TSNARE1: variants seen among roughly 807,000 people sequenced by gnomAD.
TSNARE1 encodes t-SNARE domain containing 1, also known as t-SNARE domain-containing protein 1.
Under a neutral mutation model 62.0 loss-of-function variants are expected in TSNARE1, and 49 were observed. That is an observed-to-expected ratio of 0.79 (90% CI 0.63 to 1.00). TSNARE1 has a LOEUF of 1.00. Ranked by LOEUF, TSNARE1 falls within the 50% of genes least tolerant of loss-of-function variation. The pLI is 0.00. For synonymous variants in TSNARE1, 328 were observed against 294.4 expected, an observed-to-expected ratio of 1.11 and a Z score of -1.17; for missense variants, 755 against 700.1, an observed-to-expected ratio of 1.08 and a Z score of -0.88.
rs929168209 is a variant in TSNARE1 at position 142,336,000 on chromosome 8, C to T, written c.746-4169G>A. ...TCCGATGAGAGTAAAAGCAAGATTC[C>T]GGCCAGGCGTGGCGGCTCATGCCTG... On this transcript the variant is annotated intron_variant, in intron 4 of 13. Transcript: ENST00000524325. Among the ~76,000 whole-genome samples the T allele has an allele frequency of 1.2e-4, 19 of 152,138 alleles. 1 individual carries two copies. The highest frequency in any genetic ancestry group is 6.5e-5 in the Admixed American group (1 of 15,272).
At chr8:142,375,210 G>A (rs1052507741) in intron 1 of TSNARE1, among the ~76,000 whole-genome samples, 1 of 152,270 alleles carries the variant, frequency 6.6e-6, no homozygotes, top group Non-Finnish European at 1.5e-5. Flanking sequence ...CTGGGTGCCC[G>A]TGAGAATGGG....
intron 6 of TSNARE1, among the ~76,000 whole-genome samples, chr8:142,328,613 C>T (rs72687387): frequency 0.014 from 2,163 of 152,308 alleles, 26 homozygotes; most frequent in Admixed American, 0.021. Context: ...TTCTTCTTTT[C>T]GGCATCAAGG....
At chr8:142,214,238 A>AG (rs1355709741) in intron 13 of TSNARE1, among the ~76,000 whole-genome samples, 2 of 152,180 alleles carry the variant, frequency 1.3e-5, no homozygotes, top group Non-Finnish European at 2.9e-5. Flanking sequence ...AGCTGGAGTC[A>AG]GGGCAGACCC....
intron 13 of TSNARE1, among the ~76,000 whole-genome samples, chr8:142,223,064 T>TCG (rs1816513616): frequency 6.7e-6 from 1 of 148,814 alleles, no homozygotes; most frequent in Admixed American, 6.7e-5. Flanking sequence ...ACTCATTCAC[T>TCG]TACTCGCTCA....
intron 1 of TSNARE1, among the ~76,000 whole-genome samples, chr8:142,360,458 G>A (rs1389228501): frequency 3.3e-5 from 5 of 152,182 alleles, no homozygotes; most frequent in Non-Finnish European, 7.4e-5. Context: ...CTGCCAGGCT[G>A]TTTTGCCCAA....
At chr8:142,306,122 A>T (rs1328813276) in intron 9 of TSNARE1, among the ~76,000 whole-genome samples, 1 of 152,168 alleles carries the variant, frequency 6.6e-6, no homozygotes, top group Non-Finnish European at 1.5e-5. Context: ...AAGCAGCAAC[A>T]GACTCTATTT....
chr8:142,393,605 G>A (rs1837698183), intron 1 of TSNARE1, among the ~76,000 whole-genome samples: 1 of 152,240 alleles, frequency 6.6e-6, no homozygotes, highest in Non-Finnish European at 1.5e-5. Flanking sequence ...ACGCCCGAAG[G>A]TGCTGAGAGA....
At chr8:142,406,451 A>G (rs1470412319), upstream of TSNARE1, 5 of 152,234 alleles carry the variant, frequency 3.3e-5, no homozygotes, top group African/African-American at 1.2e-4. Flanking sequence ...CCTGGAACAC[A>G]CAGTGCCCCA....
intron 3 of TSNARE1, among the ~76,000 whole-genome samples, chr8:142,344,838 T>C (rs933651506): frequency 1.3e-5 from 2 of 152,338 alleles, no homozygotes; most frequent in African/African-American, 2.4e-5. Context: ...AGGGCTGGGC[T>C]GCTCCCGGGA....
intron 1 of TSNARE1, among the ~76,000 whole-genome samples, chr8:142,400,789 C>T (rs1425727820): frequency 6.6e-6 from 1 of 152,222 alleles, no homozygotes; most frequent in East Asian, 1.9e-4. Flanking sequence ...CAAATGACGT[C>T]CTAGAACCCG....
At chr8:142,376,400 C>T (rs1836344147) in intron 1 of TSNARE1, among the ~76,000 whole-genome samples, 1 of 152,214 alleles carries the variant, frequency 6.6e-6, no homozygotes, top group Non-Finnish European at 1.5e-5. Context: ...GCAGGTGAGG[C>T]ATTTGGGTGG....
intron 13 of TSNARE1, among the ~76,000 whole-genome samples, chr8:142,224,466 G>A (rs1229190482): frequency 6.6e-6 from 1 of 152,158 alleles, no homozygotes; most frequent in African/African-American, 2.4e-5. Flanking sequence ...CCTGATGCCA[G>A]ACAAGCCTTC....
chr8:142,282,345 G>A (rs1821649980), intron 11 of TSNARE1, among the ~76,000 whole-genome samples: 2 of 152,390 alleles, frequency 1.3e-5, no homozygotes, highest in Non-Finnish European at 1.5e-5. Flanking sequence ...CAGGATGAAG[G>A]CGTGGAGGCT....
intron 1 of TSNARE1, among the ~76,000 whole-genome samples, chr8:142,362,640 C>T (rs1462939227): frequency 3.3e-5 from 5 of 152,156 alleles, no homozygotes; most frequent in East Asian, 1.9e-4. Context: ...CCCCCAGATA[C>T]GGCAGTGACC....
intron 10 of TSNARE1, among the ~76,000 whole-genome samples, chr8:142,287,702 G>A (rs1456436566): frequency 1.4e-5 from 2 of 144,118 alleles, no homozygotes; most frequent in African/African-American, 5.2e-5. Context: ...CAGGGACAGT[G>A]GAACCCAGGA....
In TSNARE1 at chr8:142,254,887, C is replaced by T. The variant is rs541815539; in HGVS notation, c.1446+19894G>A. ...CCGGGGCTCTGGTGCTGAAGCTGCA[C>T]GCCCCATGCCCTCCCCTGCCTGCCA... On this transcript the variant is annotated intron_variant, in intron 12 of 13. Coordinates refer to ENST00000524325, the MANE Select transcript of TSNARE1 (RefSeq NM_145003.5). Among the ~76,000 whole-genome samples, 17 of 152,294 alleles carry T rather than the reference C, an allele frequency of 1.1e-4. No homozygotes were observed. In the East Asian group the frequency reaches 1.3e-3, roughly 12 times the overall value.
chr8:142,317,434 C>G (rs1389001743), intron 7 of TSNARE1, among the ~76,000 whole-genome samples: 1 of 147,990 alleles, frequency 6.8e-6, no homozygotes, highest in Non-Finnish European at 1.5e-5. Context: ...CTGTACACAT[C>G]AAGCGGGTGT....
chr8:142,332,051 C>T (rs775901130), intron 4 of TSNARE1, among the ~76,000 whole-genome samples: 26 of 152,194 alleles, frequency 1.7e-4, no homozygotes, highest in Non-Finnish European at 3.4e-4. Flanking sequence ...GAAGGAGAGA[C>T]GAAGGCAGGG....
At position 142,273,933 on chromosome 8, in the gene TSNARE1, C is replaced by A. The variant is rs1245030316; in HGVS notation, c.1446+848G>T. 9.1e-6 allele frequency: 9 copies of A among 985,148 alleles called. No individual in the cohort carries two copies. In the African/African-American group the frequency reaches 1.6e-4, roughly 17 times the overall value. The allele number at this position is 985,148 out of a possible 1,614,324, so 61.0% of individuals were successfully genotyped here. ...GTGATGTCCTGGGCTCGTCTGGCTGCTCCTGGACCCTGGCCTCACACCCAC... is the reference window on the plus strand; with the variant it reads ...GTGATGTCCTGGGCTCGTCTGGCTGATCCTGGACCCTGGCCTCACACCCAC... On this transcript the variant is annotated intron_variant, in intron 12 of 13. Coordinates refer to ENST00000524325, the MANE Select transcript of TSNARE1 (RefSeq NM_145003.5).
Sources: gnomAD v4.1 joint callset for allele counts (sites outside exome capture counted in the v4.1 genomes callset) on GRCh38, gnomAD v4.1.1 for gene constraint, MANE v1.5 for transcripts, NCBI Gene and HGNC (gene_info 2026-07-23, HGNC 2026-07-21) for gene names.